The following DPP6 variants were observed in gnomAD, a reference collection of about 807,000 sequenced individuals.
DPP6 encodes A-type potassium channel modulatory protein DPP6.
DPP6 carries 69 observed loss-of-function variants against 122.6 expected under a neutral mutation model. That is an observed-to-expected ratio of 0.56 (90% CI 0.46 to 0.69). The LOEUF is 0.69. Among genes scored for constraint, DPP6 ranks in the 30% least tolerant of loss-of-function variants. The pLI is 0.00. For missense variants in DPP6, 928 were observed against 1,116.9 expected (o/e 0.83, Z 2.41); for synonymous variants, 418 against 433.1 (o/e 0.97, Z 0.43).
At chr7:153,924,906 G>A (rs1045833591) in intron 1 of DPP6, among the ~76,000 whole-genome samples, 1 of 152,330 alleles carries the variant, frequency 6.6e-6, no homozygotes, top group Middle Eastern at 3.4e-3. Context: ...CATGGTTTCT[G>A]TAAGCTTGTT....
intron 1 of DPP6, among the ~76,000 whole-genome samples, chr7:153,936,054 G>A (rs1039185673): frequency 1.6e-4 from 24 of 152,194 alleles, no homozygotes; most frequent in Non-Finnish European, 2.8e-4. Context: ...CCAGCACGGG[G>A]CTGGGTGCAG....
At chr7:154,202,462 A>G (rs988320067) in intron 1 of DPP6, among the ~76,000 whole-genome samples, 1 of 152,154 alleles carries the variant, frequency 6.6e-6, no homozygotes, top group African/African-American at 2.4e-5. Flanking sequence ...TAATAATCAT[A>G]TATTTTGGCC....
intron 7 of DPP6, among the ~76,000 whole-genome samples, chr7:154,707,335 T>A (rs1840889869): frequency 6.6e-6 from 1 of 152,226 alleles, no homozygotes; most frequent in African/African-American, 2.4e-5. Context: ...ATCTGTATTT[T>A]GTGGATAAGA....
At chr7:154,162,990 G>A (rs1307534536) in intron 1 of DPP6, among the ~76,000 whole-genome samples, 1 of 151,124 alleles carries the variant, frequency 6.6e-6, no homozygotes, top group Non-Finnish European at 1.5e-5. Context: ...CGCTAGGGTC[G>A]AGTGGAAGTC....
intron 4 of DPP6, among the ~76,000 whole-genome samples, chr7:154,548,533 A>C (rs1051715575): frequency 1.3e-5 from 2 of 152,036 alleles, no homozygotes; most frequent in Non-Finnish European, 2.9e-5. Context: ...CTCAAAAAAA[A>C]AAAAAAAAAA....
chr7:154,610,934 A>G (rs1214601109), intron 5 of DPP6, among the ~76,000 whole-genome samples: 1 of 152,188 alleles, frequency 6.6e-6, no homozygotes, highest in East Asian at 1.9e-4. Context: ...CACCTTTGTA[A>G]GACATTGACA....
At chr7:154,435,254 G>A (rs191144188) in intron 1 of DPP6, among the ~76,000 whole-genome samples, 90 of 152,194 alleles carry the variant, frequency 5.9e-4, no homozygotes, top group African/African-American at 2.1e-3. Flanking sequence ...ACAAGGAGAA[G>A]GAGGACGAGA....
At position 154,464,507 on chromosome 7, in the gene DPP6, T is replaced by A. The variant is rs1349272618; in HGVS notation, c.359-10432T>A. Among the ~76,000 whole-genome samples, 3 of 152,248 alleles carry A rather than the reference T, an allele frequency of 2.0e-5. No homozygotes were observed. In the East Asian group the frequency reaches 5.8e-4, roughly 29 times the overall value. Reference sequence around the variant, plus strand: ...TAGAGAGGATGATCAGTGAAGGCTTTTATTTGGCCATCTTGCTCTGCCTCC... The same window carrying A: ...TAGAGAGGATGATCAGTGAAGGCTTATATTTGGCCATCTTGCTCTGCCTCC... On this transcript the variant is annotated intron_variant, in intron 2 of 25. Transcript: ENST00000377770.
Position 154,769,478 on chromosome 7 carries a change from C to T in DPP6, c.945C>T (p.Tyr315=), listed in dbSNP as rs56091483. The part of the protein sequence containing the change: ...WWSPDGTRLA[Y]AAINDSRVPI... ...CTCCGGATGGCACGAGACTCGCCTA[C>T]GCCGCCATCAATGATTCCCGTGTCC... Residue 315 remains tyrosine, a synonymous_variant, in exon 9 of 26, where the codon TAC becomes TAT. Coordinates refer to ENST00000377770, the MANE Select transcript of DPP6 (RefSeq NM_130797.4). The T allele has an allele frequency of 0.083, 134,187 of 1,613,486 alleles. 5,898 individuals are homozygous for T. The highest frequency in any genetic ancestry group is 0.11 in the African/African-American group (8,075 of 74,968).
intron 1 of DPP6, among the ~76,000 whole-genome samples, chr7:154,387,024 T>C (rs1319591021): frequency 6.6e-6 from 1 of 151,746 alleles, no homozygotes; most frequent in Non-Finnish European, 1.5e-5. Context: ...TACAGAAAGA[T>C]CAAGTGAGGC....
chr7:153,939,892 C>T (rs1216602086), intron 1 of DPP6, among the ~76,000 whole-genome samples: 2 of 152,200 alleles, frequency 1.3e-5, no homozygotes, highest in Non-Finnish European at 2.9e-5. Context: ...GATAACATGG[C>T]AGTTCATACA....
chr7:154,481,963 G>C lies in DPP6; in HGVS notation c.457+6926G>C, dbSNP rs2151370669. 6.6e-6 allele frequency among the ~76,000 whole-genome samples: 1 copy of C among 152,312 alleles called. No homozygotes were observed. The highest frequency in any genetic ancestry group is 2.4e-5 in the African/African-American group (1 of 41,570). On this transcript the variant is annotated intron_variant, in intron 3 of 25. Coordinates refer to ENST00000377770, the MANE Select transcript of DPP6 (RefSeq NM_130797.4). This position sits in a 1 kb window ranked among gnomAD's most constrained non-coding sequence, Gnocchi z 4.2. ...GCACCAGCAAAGTCCCCAGTTTGTGGCCGTCCACGAAGACTTCTTGGGCAT... is the reference window on the plus strand; with the variant it reads ...GCACCAGCAAAGTCCCCAGTTTGTGCCCGTCCACGAAGACTTCTTGGGCAT...
intron 10 of DPP6, among the ~76,000 whole-genome samples, chr7:154,783,757 T>C (rs1226330554): frequency 6.6e-6 from 1 of 152,106 alleles, no homozygotes; most frequent in Admixed American, 6.5e-5. Flanking sequence ...AGAACACACA[T>C]GAGTAGAAGC....
At chr7:153,928,223 T>A (rs1750864074) in intron 1 of DPP6, among the ~76,000 whole-genome samples, 1 of 150,712 alleles carries the variant, frequency 6.6e-6, no homozygotes. Flanking sequence ...TTTTCTTTTT[T>A]TTTTTTGAGA....
At chr7:154,787,490 G>T (rs908111552) in intron 10 of DPP6, among the ~76,000 whole-genome samples, 1 of 152,110 alleles carries the variant, frequency 6.6e-6, no homozygotes, top group Admixed American at 6.5e-5. Flanking sequence ...GATGTCAGGT[G>T]GTTCCAGAAA....
intron 1 of DPP6, among the ~76,000 whole-genome samples, chr7:154,185,813 A>G (rs1186623232): frequency 6.6e-6 from 1 of 152,236 alleles, no homozygotes; most frequent in Non-Finnish European, 1.5e-5. Context: ...ATGAGATAAT[A>G]TGAGTATGCT....
intron 1 of DPP6, among the ~76,000 whole-genome samples, chr7:154,374,279 T>A (rs1812925024): frequency 6.6e-6 from 1 of 152,174 alleles, no homozygotes; most frequent in Non-Finnish European, 1.5e-5. Flanking sequence ...GTTTTGTGGA[T>A]CAAATGAGCT....
intron 8 of DPP6, among the ~76,000 whole-genome samples, chr7:154,763,691 A>G (rs1795714677): frequency 6.6e-6 from 1 of 152,142 alleles, no homozygotes; most frequent in Non-Finnish European, 1.5e-5. Flanking sequence ...ATGTGAGAAG[A>G]ACTCTTAGAG....
intron 1 of DPP6, among the ~76,000 whole-genome samples, chr7:154,189,587 A>C (rs889346422): frequency 6.6e-6 from 1 of 152,160 alleles, no homozygotes; most frequent in African/African-American, 2.4e-5. Flanking sequence ...ATGGGGTTGC[A>C]GTGGTACATT....
Sources: gnomAD v4.1 joint callset for allele counts (sites outside exome capture counted in the v4.1 genomes callset) on GRCh38, gnomAD v4.1.1 for gene constraint, Gnocchi (gnomAD v3.1) non-coding constraint, MANE v1.5 for transcripts, NCBI Gene and HGNC (gene_info 2026-07-23, HGNC 2026-07-21) for gene names.